The following ZNF814 variants were observed in gnomAD, a reference collection of about 807,000 sequenced individuals.
ZNF814 encodes the protein zinc finger protein 814.
In ZNF814, 5 loss-of-function variants were observed where a neutral mutation model predicts 7.5. That is an observed-to-expected ratio of 0.67 (90% CI 0.35 to 1.40). ZNF814 has a LOEUF of 1.40. Ranked by LOEUF, ZNF814 falls within the 40% of genes most tolerant of loss-of-function variation. The probability of loss-of-function intolerance (pLI) is 0.04; values close to 1 mark genes in which losing one functional copy is unlikely to be tolerated. For synonymous variants in ZNF814, 315 were observed against 340.7 expected, an observed-to-expected ratio of 0.92 and a Z score of 0.83; for missense variants, 962 against 1,018.0, an observed-to-expected ratio of 0.94 and a Z score of 0.75.
At chr19:57,892,115 C>G (rs139019615), upstream of ZNF814, among the ~76,000 whole-genome samples, 330 of 152,274 alleles carry the variant, frequency 2.2e-3, 1 homozygote, top group Middle Eastern at 0.01. Context: ...ATGTATAAAA[C>G]CAAGCTGCGC....
chr19:57,893,506 G>A (rs967590937), upstream of ZNF814, among the ~76,000 whole-genome samples: 2 of 151,864 alleles, frequency 1.3e-5, no homozygotes, highest in African/African-American at 4.8e-5. Context: ...GCTGGGTGTG[G>A]TGGCTCACAC....
At chr19:57,885,763 C>T (rs556407637) in intron 1 of ZNF814, 2 of 151,268 alleles carry the variant, frequency 1.3e-5, no homozygotes, top group Non-Finnish European at 2.9e-5. Flanking sequence ...ACAGTAAAAA[C>T]AACCTAATTG....
At position 57,870,492 on chromosome 19, in the gene ZNF814, C is replaced by T. The variant is rs1005219788; in HGVS notation, c.*2330G>A. The T allele has an allele frequency of 2.6e-5, 4 of 152,206 alleles. No individual in the cohort carries two copies. Among genetic ancestry groups the T allele is most frequent in the African/African-American group, 9.6e-5 (4 of 41,452 alleles). The allele number at this position is 152,206 out of a possible 1,614,324, so 9.4% of individuals were successfully genotyped here. On this transcript the variant is annotated 3_prime_UTR_variant, in exon 3 of 3. Transcript: ENST00000435989. The stretch of plus-strand genomic sequence containing the variant: ...CTGAGATCTCCCTTCTCCCTATCAT[C>T]TTCCTCCTGTTAATGCAGGAATGAC...
upstream of ZNF814, chr19:57,889,072 A>C (rs1013403187): frequency 3.8e-6 from 2 of 525,326 alleles, no homozygotes; most frequent in Middle Eastern, 4.9e-4. Flanking sequence ...GTCCGGACCC[A>C]TTGTCACGTG....
At chr19:57,876,833 G>A (rs1600137021) in intron 2 of ZNF814, 83 bp downstream of exon 2, 1 of 1,585,062 alleles carries the variant, frequency 6.3e-7, no homozygotes, top group East Asian at 2.2e-5. Flanking sequence ...CCATGCTCCT[G>A]ACATGAGAAA....
intron 1 of ZNF814, among the ~76,000 whole-genome samples, chr19:57,886,964 G>A (rs553511291): frequency 6.6e-6 from 1 of 151,726 alleles, no homozygotes; most frequent in South Asian, 2.1e-4. Flanking sequence ...GAGGCGGGCG[G>A]ATCAGTTGAA....
At chr19:57,884,282 A>C (rs1271215687) in intron 1 of ZNF814, among the ~76,000 whole-genome samples, 1 of 152,236 alleles carries the variant, frequency 6.6e-6, no homozygotes, top group Non-Finnish European at 1.5e-5. Flanking sequence ...AAAACCCTTA[A>C]TAATCCCATT....
At chr19:57,887,655 A>G (rs1362991965) in intron 1 of ZNF814, among the ~76,000 whole-genome samples, 1 of 152,166 alleles carries the variant, frequency 6.6e-6, no homozygotes, top group Non-Finnish European at 1.5e-5. Flanking sequence ...TTGATTTACA[A>G]GACATTAAGG....
intron 1 of ZNF814, among the ~76,000 whole-genome samples, chr19:57,887,637 T>G (rs1180094461): frequency 6.6e-6 from 1 of 152,196 alleles, no homozygotes; most frequent in Non-Finnish European, 1.5e-5. Flanking sequence ...GAGCTCCACC[T>G]GGCCCCCTTG....
chr19:57,888,833 G>A lies in ZNF814; in HGVS notation c.-31C>T, dbSNP rs950275714. 1.7e-5 allele frequency: 27 copies of A among 1,551,432 alleles called. No homozygotes were observed. Among genetic ancestry groups the A allele is most frequent in the Admixed American group, 5.9e-5 (3 of 50,976 alleles). On this transcript the variant is annotated 5_prime_UTR_variant, in exon 1 of 3. Transcript: ENST00000435989. ...CACGTGGTTTTAAGCAGAGTCGGGA[G>A]GATAGGGCGACCAGCCAGGAGATAT...
At chr19:57,886,699 C>T (rs913911059) in intron 1 of ZNF814, among the ~76,000 whole-genome samples, 2 of 151,774 alleles carry the variant, frequency 1.3e-5, no homozygotes, top group East Asian at 1.9e-4. Context: ...GGCAACATGG[C>T]GAAACCCCAT....
intron 2 of ZNF814, 149 bp from the exon 3 acceptor site, chr19:57,875,375 G>GTAT (rs2071597810): frequency 6.5e-7 from 1 of 1,528,708 alleles, no homozygotes; most frequent in African/African-American, 1.4e-5. Context: ...ATGGTGCTAT[G>GTAT]TATTATTACT....
intron 1 of ZNF814, among the ~76,000 whole-genome samples, chr19:57,883,469 T>C (rs2071665090): frequency 6.6e-6 from 1 of 151,886 alleles, no homozygotes; most frequent in Admixed American, 6.6e-5. Context: ...GAGACTATTC[T>C]GGCCAATATA....
At chr19:57,902,488 T>G in the ZNF814 span, among the ~76,000 whole-genome samples, 4 of 152,158 alleles carry the variant, frequency 2.6e-5, no homozygotes, top group East Asian at 7.7e-4. Context: ...CATTCAGGAT[T>G]ATGGAAATTA....
In ZNF814 at chr19:57,873,962, C is replaced by T. The variant is rs2071580886; in HGVS notation, c.1428G>A (p.Lys476=). ...CTCGCTGATGGTGAACAAGGCTGCG[C>T]TTATGACTGAAAGATTTCACACATT... ...CGECVKSFSH[K]RSLVHHQRVH... is the part of the protein sequence containing the mutation. The change falls in exon 3 of 3, where the codon AAG becomes AAA. Residue 476 remains lysine, a synonymous_variant. Coordinates refer to ENST00000435989, the MANE Select transcript of ZNF814 (RefSeq NM_001144989.2). 1.2e-6 allele frequency: 2 copies of T among 1,613,758 alleles called. No individual in the cohort carries two copies. The highest frequency in any genetic ancestry group is 1.7e-6 in the Non-Finnish European group (2 of 1,179,986).
intron 1 of ZNF814, among the ~76,000 whole-genome samples, chr19:57,887,375 A>G (rs2071701369): frequency 6.6e-6 from 1 of 152,192 alleles, no homozygotes; most frequent in Non-Finnish European, 1.5e-5. Context: ...TCCTTGTAAG[A>G]CTGCAGGCCA....
rs1184388061 is a variant in ZNF814, at chr19:57,869,665, C to T, written c.*3157G>A. The T allele has an allele frequency of 6.6e-6, 1 of 152,166 alleles. No homozygotes were observed. Among genetic ancestry groups the T allele is most frequent in the Non-Finnish European group, 1.5e-5 (1 of 68,042 alleles). 9.4% of individuals were successfully genotyped at this position (152,166 alleles called of 1,614,324 possible). A position where few individuals can be genotyped will look rare whatever the true frequency, so the allele number is the denominator to read the frequency against. ...TCACAGCTTTAAAATATACTTCAGA[C>T]TGGCAGCAGTGGCTCACACCTGTAT... On this transcript the variant is annotated 3_prime_UTR_variant, in exon 3 of 3. Transcript: ENST00000435989.
intron 1 of ZNF814, among the ~76,000 whole-genome samples, chr19:57,882,933 C>T (rs1216936723): frequency 6.6e-6 from 1 of 152,068 alleles, no homozygotes; most frequent in African/African-American, 2.4e-5. Context: ...AAAGACGAAT[C>T]CTGGAGAAAC....
intron 2 of ZNF814, among the ~76,000 whole-genome samples, chr19:57,876,023 C>T (rs927306760): frequency 1.1e-4 from 13 of 122,072 alleles, no homozygotes; most frequent in African/African-American, 3.7e-4. Context: ...TGCAGTGGTG[C>T]GATCTGGGCT....
Sources: allele counts gnomAD v4.1 joint callset (sites outside exome capture counted in the v4.1 genomes callset), GRCh38; gene constraint gnomAD v4.1.1; transcripts MANE v1.5; gene names NCBI Gene and HGNC (gene_info 2026-07-23, HGNC 2026-07-21).